Variants in TTC17 observed in about 807,000 individuals in gnomAD.
TTC17 encodes tetratricopeptide repeat protein 17.
Under a neutral mutation model 143.8 loss-of-function variants are expected in TTC17, and 58 were observed. The ratio of observed to expected loss-of-function variants is 0.40; its 90% CI spans 0.33 to 0.50. The LOEUF (loss-of-function observed/expected upper bound fraction) is 0.50. Ranked by LOEUF, TTC17 falls within the 20% of genes least tolerant of loss-of-function variation. The pLI is 0.49. For synonymous variants in TTC17, 501 were observed against 497.8 expected, an observed-to-expected ratio of 1.01 and a Z score of -0.09; for missense variants, 1,273 against 1,392.5, an observed-to-expected ratio of 0.91 and a Z score of 1.37.
chr11:43,484,195 TGTC>T (rs1404161438), intron 21 of TTC17, among the ~76,000 whole-genome samples: 46 of 152,164 alleles, frequency 3.0e-4, no homozygotes, highest in African/African-American at 1.1e-3. Flanking sequence ...AAAAACAAAA[TGTC>T]ATTCAGAGGT....
At position 43,436,060 on chromosome 11, in the gene TTC17, G is replaced by A. The variant is rs917138657; in HGVS notation, c.2252-7265G>A. On this transcript the variant is annotated intron_variant, in intron 16 of 23. Transcript: ENST00000039989. ...TTGTGTGTTCTGCTGAAGAAAAACC[G>A]GCATTGTCACATTTTTGCTCTTCTT... 56 of 1,001,642 alleles carry A rather than the reference G, an allele frequency of 5.6e-5. No homozygotes were observed. In the African/African-American group the frequency reaches 7.0e-4, roughly 13 times the overall value. 62.0% of individuals were successfully genotyped at this position (1,001,642 alleles called of 1,614,324 possible). A position where few individuals can be genotyped will look rare whatever the true frequency, so the allele number is the denominator to read the frequency against.
rs117939908 is a variant in TTC17, at chr11:43,469,872, T to C, written c.3030+18607T>C. ...ATAAAGATTTTAGACCACTAAAAGCTGGAAGATGCTTTTACCAACAGATTG... is the reference window on the plus strand; with the variant it reads ...ATAAAGATTTTAGACCACTAAAAGCCGGAAGATGCTTTTACCAACAGATTG... On this transcript the variant is annotated intron_variant, in intron 21 of 23. Coordinates refer to ENST00000039989, the MANE Select transcript of TTC17 (RefSeq NM_018259.6). Among the ~76,000 whole-genome samples, 320 of 152,310 alleles carry C rather than the reference T, an allele frequency of 2.1e-3. 8 individuals carry two copies. In the East Asian group the frequency reaches 0.055, roughly 26 times the overall value.
At chr11:43,455,594 A>C (rs980962339) in intron 21 of TTC17, among the ~76,000 whole-genome samples, 16 of 152,252 alleles carry the variant, frequency 1.1e-4, no homozygotes, top group African/African-American at 3.6e-4. Context: ...TAGGTTTGAA[A>C]ACTTAGGTGA....
At chr11:43,431,721 T>C (rs911698417) in intron 16 of TTC17, among the ~76,000 whole-genome samples, 1 of 152,220 alleles carries the variant, frequency 6.6e-6, no homozygotes, top group Non-Finnish European at 1.5e-5. Context: ...AAGCTCAATT[T>C]GCAGCCAGTG....
Position 43,389,568 on chromosome 11 carries a change from C to G in TTC17, c.250-84C>G, listed in dbSNP as rs1055884328. On this transcript the variant is annotated intron_variant, in intron 2 of 23. Coordinates refer to ENST00000039989, the MANE Select transcript of TTC17 (RefSeq NM_018259.6). Reference sequence around the variant, plus strand: ...CCTACATAGAGGATTCTGACTTCTTCAGCTCAGATTCCCCTTTCTCTTCAA... The same window carrying G: ...CCTACATAGAGGATTCTGACTTCTTGAGCTCAGATTCCCCTTTCTCTTCAA... The G allele has an allele frequency of 1.5e-5, 20 of 1,365,982 alleles. No individual in the cohort carries two copies. The African/African-American group carries it at 3.0e-4, about 20-fold the overall frequency. 84.6% of individuals were successfully genotyped at this position (1,365,982 alleles called of 1,614,324 possible).
chr11:43,391,376 G>A (rs1857379379), intron 3 of TTC17, 89 bp from the exon 4 acceptor site: 1 of 872,990 alleles, frequency 1.1e-6, no homozygotes, highest in Non-Finnish European at 1.8e-6. Flanking sequence ...TCCAGCCTGG[G>A]CAACAGAATG....
chr11:43,435,904 G>C (rs1419742507), intron 16 of TTC17, among the ~76,000 whole-genome samples: 1 of 152,178 alleles, frequency 6.6e-6, no homozygotes, highest in Non-Finnish European at 1.5e-5. Context: ...CTTGGGGCTT[G>C]ATCTTTGTTG....
intron 2 of TTC17, among the ~76,000 whole-genome samples, chr11:43,384,258 A>G (rs1857088713): frequency 6.6e-6 from 1 of 152,216 alleles, no homozygotes; most frequent in Non-Finnish European, 1.5e-5. Context: ...AAGCAAAAGA[A>G]AGGTGATATG....
chr11:43,408,709 A>T (rs998793003), intron 15 of TTC17, among the ~76,000 whole-genome samples: 1 of 152,158 alleles, frequency 6.6e-6, no homozygotes, highest in Admixed American at 6.5e-5. Context: ...TAAAAAGATA[A>T]ATTAATGGAT....
intron 1 of TTC17, among the ~76,000 whole-genome samples, chr11:43,360,833 G>T (rs992074291): frequency 2.0e-5 from 3 of 151,912 alleles, no homozygotes; most frequent in Non-Finnish European, 4.4e-5. Flanking sequence ...AGAATCTTTT[G>T]GATCTCTGCC....
chr11:43,444,186 A>C lies in TTC17; in HGVS notation c.2642A>C (p.Lys881Thr). Residue 881 changes from lysine (K) to threonine (T), a missense_variant, in exon 18 of 24, where the codon AAG (lysine) becomes ACG (threonine). Coordinates refer to ENST00000039989, the MANE Select transcript of TTC17 (RefSeq NM_018259.6). ...GCAAACCTAGAGATCACTGGCCCCA[A>C]GGTGGCATCTCCTGGGCCACAAGGT... ...YQANLEITGP[K>T]VASPGPQGKK... The C allele has an allele frequency of 6.2e-7, 1 of 1,611,340 alleles. No individual in the cohort carries two copies. The highest frequency in any genetic ancestry group is 8.5e-7 in the Non-Finnish European group (1 of 1,178,988).
At chr11:43,364,334 G>A (rs1163977974) in intron 1 of TTC17, among the ~76,000 whole-genome samples, 2 of 152,134 alleles carry the variant, frequency 1.3e-5, no homozygotes, top group South Asian at 2.1e-4. Flanking sequence ...TGGGATTACA[G>A]GTGTGAGCCA....
At chr11:43,366,964 A>C (rs1250550313) in intron 1 of TTC17, among the ~76,000 whole-genome samples, 3 of 152,182 alleles carry the variant, frequency 2.0e-5, no homozygotes, top group Non-Finnish European at 4.4e-5. Flanking sequence ...TTCTCAGTGA[A>C]GCTTCTGGTA....
At position 43,458,154 on chromosome 11, in the gene TTC17, ACTT is replaced by A. The variant is rs1184790595; in HGVS notation, c.3030+6895_3030+6897del. Among the ~76,000 whole-genome samples, 7 of 152,288 alleles carry A rather than the reference ACTT, an allele frequency of 4.6e-5. No homozygotes were observed. The South Asian group carries it at 1.0e-3, about 23-fold the overall frequency. On this transcript the variant is annotated intron_variant, in intron 21 of 23. Transcript: ENST00000039989. ...CTGTCTGGGCTGGGCTCAGCCGGGCACTTCTTCTGCTGATCTCACGTGAAGTCA... is the reference window on the plus strand; with the variant it reads ...CTGTCTGGGCTGGGCTCAGCCGGGCACTTCTGCTGATCTCACGTGAAGTCA...
Position 43,492,059 on chromosome 11 carries a change from G to A in TTC17, c.3190G>A (p.Ala1064Thr), listed in dbSNP as rs1948483268. The stretch of plus-strand genomic sequence containing the variant: ...TAGCCTGGCCAACATCTTGCACAAT[G>A]CCAAGCTCTGGAATGACGCCGTCAT... The part of the protein sequence containing the change: ...LISLANILHN[A>T]KLWNDAVIVA... Residue 1064 changes from alanine (A) to threonine (T), a missense_variant, in exon 23 of 24, where the codon GCC becomes ACC. This residue lies in a region of TTC17 where 878 missense variants were observed against 899.8 expected (regional missense o/e 0.98). Coordinates refer to ENST00000039989, the MANE Select transcript of TTC17 (RefSeq NM_018259.6). The A allele has an allele frequency of 1.9e-6, 3 of 1,613,950 alleles. No individual in the cohort carries two copies. The highest frequency in any genetic ancestry group is 2.7e-5 in the African/African-American group (2 of 74,904).
At chr11:43,491,914 A>G in intron 22 of TTC17, 106 bp from the exon 23 acceptor site, 1 of 1,474,004 alleles carries the variant, frequency 6.8e-7, no homozygotes, top group African/African-American at 1.4e-5. Flanking sequence ...GCACTGTTCT[A>G]ATCATTCACC....
intron 21 of TTC17, among the ~76,000 whole-genome samples, chr11:43,475,142 C>T (rs965696185): frequency 6.6e-6 from 1 of 152,202 alleles, no homozygotes; most frequent in Non-Finnish European, 1.5e-5. Context: ...TTTGACTATA[C>T]ATCCCTAATG....
chr11:43,414,757 C>G lies in TTC17; in HGVS notation c.2232C>G (p.Ile744Met). The G allele has an allele frequency of 6.2e-7, 1 of 1,613,312 alleles. No individual in the cohort carries two copies. Residue 744 changes from isoleucine (I) to methionine (M), a missense_variant, in exon 16 of 24, where the codon ATC (isoleucine) becomes ATG (methionine). This residue lies in a region of TTC17 where 878 missense variants were observed against 899.8 expected (regional missense o/e 0.98). Transcript: ENST00000039989. ...AGTTTTATCCTTTTCTGTACAACAT[C>G]ACTTCTTCTGTTTGCAGTGGTAAGC... ...CMQFYPFLYN[I>M]TSSVCSGTVV... is the part of the protein sequence containing the mutation.
intron 20 of TTC17, 40 bp downstream of exon 20, chr11:43,450,281 CAGTT>C: frequency 1.3e-6 from 2 of 1,589,272 alleles, no homozygotes; most frequent in Non-Finnish European, 1.7e-6. Flanking sequence ...TTTAGCCTCA[CAGTT>C]AGGATGCACA....
Sources: allele counts gnomAD v4.1 joint callset (sites outside exome capture counted in the v4.1 genomes callset), GRCh38; gene constraint gnomAD v4.1.1; regional missense constraint gnomAD v4.1.1; transcripts MANE v1.5; gene names NCBI Gene and HGNC (gene_info 2026-07-23, HGNC 2026-07-21).